Variants in LAMA1 observed in about 807,000 individuals in gnomAD.
LAMA1 encodes the protein laminin subunit alpha 1.
Under a neutral mutation model 348.7 loss-of-function variants are expected in LAMA1, and 219 were observed. The ratio of observed to expected loss-of-function variants is 0.63; its 90% CI spans 0.56 to 0.70. The LOEUF (loss-of-function observed/expected upper bound fraction) is 0.70, where lower values mean the gene tolerates loss of function less well. Ranked by LOEUF, LAMA1 falls within the 30% of genes least tolerant of loss-of-function variation. The pLI, the probability that LAMA1 is intolerant of heterozygous loss-of-function variation, is 0.00. For missense variants in LAMA1, 3,744 were observed against 3,888.0 expected (o/e 0.96, Z 0.99); for synonymous variants, 1,487 against 1,491.0 (o/e 1.00, Z 0.06).
At position 7,033,109 on chromosome 18, in the gene LAMA1, G is replaced by T; in HGVS notation, c.2052-14C>A. Reference sequence around the variant, plus strand: ...ACGGACTCCAACCTACAAATAGACAGATTGTTATGTGACTCACACGCTCGC... The same window carrying T: ...ACGGACTCCAACCTACAAATAGACATATTGTTATGTGACTCACACGCTCGC... On this transcript the variant is annotated splice_polypyrimidine_tract_variant and intron_variant, in intron 14 of 62. Coordinates refer to ENST00000389658, the MANE Select transcript of LAMA1 (RefSeq NM_005559.4). 1 of 1,554,064 alleles carries T rather than the reference G, an allele frequency of 6.4e-7. No homozygotes were observed.
intron 27 of LAMA1, 109 bp from the exon 28 acceptor site, chr18:7,008,717 C>T: frequency 7.7e-7 from 1 of 1,304,832 alleles, no homozygotes; most frequent in Non-Finnish European, 1.1e-6. Context: ...GCTTTCTTCC[C>T]TGTTTGGAGT....
intron 53 of LAMA1, chr18:6,960,710 A>C (rs2057603030): frequency 6.6e-6 from 1 of 151,802 alleles, no homozygotes; most frequent in Non-Finnish European, 1.5e-5. Context: ...GAACTCATTA[A>C]CCAGTCGTAG....
chr18:6,949,342 A>G (rs2057536323), intron 58 of LAMA1, 83 bp from the exon 59 acceptor site: 3 of 1,325,412 alleles, frequency 2.3e-6, no homozygotes, highest in African/African-American at 2.9e-5. Flanking sequence ...CAGATGCAAC[A>G]TCTGTTTCTG....
At chr18:6,980,016 AC>A (rs1169903046) in intron 42 of LAMA1, among the ~76,000 whole-genome samples, 1 of 148,454 alleles carries the variant, frequency 6.7e-6, no homozygotes, top group Non-Finnish European at 1.5e-5. Context: ...ATTACTGTAG[AC>A]CCCCCCAAAA....
chr18:7,027,008 T>C (rs1369126144), intron 16 of LAMA1, among the ~76,000 whole-genome samples: 1 of 151,974 alleles, frequency 6.6e-6, no homozygotes, highest in Non-Finnish European at 1.5e-5. Context: ...AAGATTATAT[T>C]ATTCAAAATG....
In LAMA1 at chr18:7,032,924, TG is replaced by T. The variant is rs553071284; in HGVS notation, c.2163+59del. The T allele has an allele frequency of 6.0e-4, 740 of 1,240,618 alleles. 1 individual carries two copies. The highest frequency in any genetic ancestry group is 7.6e-4 in the Non-Finnish European group (652 of 863,522). 76.9% of individuals were successfully genotyped at this position (1,240,618 alleles called of 1,614,324 possible). On this transcript the variant is annotated intron_variant, in intron 15 of 62. Coordinates refer to ENST00000389658, the MANE Select transcript of LAMA1 (RefSeq NM_005559.4). ...ATGTTTGCCATGACATCCCCTTCAG[TG>T]CACTGTTTTCCCCTTAGGAAGGAAC... is the stretch of plus-strand genomic sequence containing the variant.
At chr18:6,950,038 T>G (rs932567791) in intron 58 of LAMA1, among the ~76,000 whole-genome samples, 2 of 152,038 alleles carry the variant, frequency 1.3e-5, no homozygotes, top group South Asian at 4.2e-4. Flanking sequence ...ATTGCTATTG[T>G]AAAACCTAGG....
chr18:7,084,142 G>T (rs1187456176), intron 1 of LAMA1, among the ~76,000 whole-genome samples: 1 of 147,466 alleles, frequency 6.8e-6, no homozygotes, highest in Non-Finnish European at 1.5e-5. Flanking sequence ...ACTAGAGCAA[G>T]CATGTTTTAA....
intron 1 of LAMA1, among the ~76,000 whole-genome samples, chr18:7,095,425 C>T (rs2058257192): frequency 6.6e-6 from 1 of 152,168 alleles, no homozygotes; most frequent in Non-Finnish European, 1.5e-5. Flanking sequence ...ATGATGTACA[C>T]ACAGAACAGT....
Position 7,011,360 on chromosome 18 carries a change from C to CCGGA in LAMA1, c.3623_3626dup (p.Gln1210ProfsTer47). ...AAAACGGCTCTGCACGGATGTGCTG[C>CCGGA]CGGACGGTGGCGGCATCCAGCAGGA... On this transcript the variant is annotated frameshift_variant, in exon 25 of 63. Coordinates refer to ENST00000389658, the MANE Select transcript of LAMA1 (RefSeq NM_005559.4). LOFTEE classifies it high-confidence loss of function. The CCGGA allele has an allele frequency of 6.2e-7, 1 of 1,612,244 alleles. No individual in the cohort carries two copies. The highest frequency in any genetic ancestry group is 8.5e-7 in the Non-Finnish European group (1 of 1,179,450).
chr18:7,034,697 T>A lies in LAMA1; in HGVS notation c.1840-7A>T. On this transcript the variant is annotated splice_region_variant and splice_polypyrimidine_tract_variant and intron_variant, in intron 13 of 62. Transcript: ENST00000389658. ...TTAAAGTGAGTCCGTTTCCCTAACA[T>A]TTAAAAACAAGAGAAAATATATTTG... 1 of 1,607,920 alleles carries A rather than the reference T, an allele frequency of 6.2e-7. No homozygotes were observed. The highest frequency in any genetic ancestry group is 8.5e-7 in the Non-Finnish European group (1 of 1,174,652).
At chr18:7,021,177 A>G (rs992775276) in intron 19 of LAMA1, among the ~76,000 whole-genome samples, 4 of 151,902 alleles carry the variant, frequency 2.6e-5, no homozygotes, top group African/African-American at 7.3e-5. Flanking sequence ...GATGAACAGC[A>G]CCCCCTTCAG....
intron 56 of LAMA1, chr18:6,956,283 A>C: frequency 2.7e-6 from 1 of 370,196 alleles, no homozygotes; most frequent in South Asian, 2.3e-5. Flanking sequence ...TTTTAAAGCA[A>C]CAAATATGTG....
At chr18:7,021,841 AT>A (rs57773751) in intron 19 of LAMA1, among the ~76,000 whole-genome samples, 3,290 of 67,196 alleles carry the variant, frequency 0.049, 151 homozygotes, top group African/African-American at 0.23. Context: ...ATAATAATAT[AT>A]TATATTATAT....
At chr18:6,969,416 A>G (rs1309018267) in intron 48 of LAMA1, among the ~76,000 whole-genome samples, 2 of 152,204 alleles carry the variant, frequency 1.3e-5, no homozygotes, top group Admixed American at 6.5e-5. Context: ...CAGGGTTACC[A>G]TGCATGTCAG....
intron 29 of LAMA1, 75 bp downstream of exon 29, chr18:7,007,064 C>T (rs2057835314): frequency 6.3e-7 from 1 of 1,585,196 alleles, no homozygotes; most frequent in Non-Finnish European, 8.6e-7. Flanking sequence ...ACGGCTATGA[C>T]TTAGACCGGA....
At chr18:7,041,755 C>G (rs906182280) in intron 9 of LAMA1, among the ~76,000 whole-genome samples, 1 of 152,138 alleles carries the variant, frequency 6.6e-6, no homozygotes, top group Non-Finnish European at 1.5e-5. Context: ...TAAACTGGGC[C>G]TTATTTCTTC....
intron 58 of LAMA1, 107 bp downstream of exon 58, chr18:6,950,675 G>A (rs190446408): frequency 7.9e-6 from 10 of 1,271,532 alleles, no homozygotes; most frequent in African/African-American, 2.9e-5. Flanking sequence ...CACACACGGC[G>A]AGATAGAGAT....
chr18:6,978,169 T>C lies in LAMA1; in HGVS notation c.6190+27A>G, dbSNP rs749851888. On this transcript the variant is annotated intron_variant, in intron 43 of 62. Transcript: ENST00000389658. ...CACGTCTGCATGACGCAGACGATCATGACTGGAAGGAAGGGCGCTGACATA... is the reference window on the plus strand; with the variant it reads ...CACGTCTGCATGACGCAGACGATCACGACTGGAAGGAAGGGCGCTGACATA... The C allele has an allele frequency of 3.3e-5, 54 of 1,613,964 alleles. 2 individuals carry two copies. In the Admixed American group the frequency reaches 8.3e-4, roughly 25 times the overall value.
Sources: gnomAD v4.1 joint callset for allele counts (sites outside exome capture counted in the v4.1 genomes callset) on GRCh38, gnomAD v4.1.1 for gene constraint, MANE v1.5 for transcripts, NCBI Gene and HGNC (gene_info 2026-07-23, HGNC 2026-07-21) for gene names.